Variants in MAGI1 observed in about 807,000 individuals in gnomAD.
The protein encoded by MAGI1 is membrane-associated guanylate kinase, WW and PDZ domain-containing protein 1.
Under a neutral mutation model 139.9 loss-of-function variants are expected in MAGI1, and 58 were observed. That is an observed-to-expected ratio of 0.41 (90% CI 0.34 to 0.52). The LOEUF is 0.52. Among genes scored for constraint, MAGI1 ranks in the 20% least tolerant of loss-of-function variants. The pLI, the probability that MAGI1 is intolerant of heterozygous loss-of-function variation, is 0.12. For synonymous variants in MAGI1, 812 were observed against 737.9 expected (o/e 1.10, Z -1.63); for missense variants, 1,874 against 1,901.6 (o/e 0.99, Z 0.27).
intron 1 of MAGI1, among the ~76,000 whole-genome samples, chr3:65,992,618 G>A (rs2107370162): frequency 6.6e-6 from 1 of 152,246 alleles, no homozygotes; most frequent in East Asian, 1.9e-4. Context: ...TAATACATCT[G>A]GGAGGGCAAC....
At chr3:65,698,229 T>C (rs2089351699) in intron 1 of MAGI1, among the ~76,000 whole-genome samples, 4 of 128,826 alleles carry the variant, frequency 3.1e-5, no homozygotes, top group Admixed American at 7.3e-5. Context: ...TAAAAGAGGA[T>C]ACAAACAAAT....
intron 3 of MAGI1, among the ~76,000 whole-genome samples, chr3:65,484,337 T>C (rs956087796): frequency 5.3e-5 from 8 of 152,142 alleles, no homozygotes; most frequent in South Asian, 4.1e-4. Flanking sequence ...TACTTGTCTG[T>C]CTTCTTCCTA....
At chr3:65,608,625 A>G (rs2106908868) in intron 2 of MAGI1, among the ~76,000 whole-genome samples, 1 of 152,258 alleles carries the variant, frequency 6.6e-6, no homozygotes, top group South Asian at 2.1e-4. Context: ...AATTTAAAAG[A>G]CTCATAATAC....
chr3:65,831,960 G>C (rs922869146), intron 1 of MAGI1, among the ~76,000 whole-genome samples: 1 of 152,126 alleles, frequency 6.6e-6, no homozygotes, highest in Non-Finnish European at 1.5e-5. Flanking sequence ...AATAATTGTG[G>C]GGGCCTTGCC....
intron 2 of MAGI1, among the ~76,000 whole-genome samples, chr3:65,534,612 C>T (rs2078869507): frequency 6.6e-6 from 1 of 152,146 alleles, no homozygotes; most frequent in African/African-American, 2.4e-5. Context: ...TCGCTGAGAG[C>T]TAACATGACA....
intron 1 of MAGI1, among the ~76,000 whole-genome samples, chr3:65,646,462 A>G (rs529115458): frequency 1.3e-5 from 2 of 152,250 alleles, no homozygotes; most frequent in East Asian, 3.9e-4. Flanking sequence ...AGAGACTTTA[A>G]CATCTCTCTC....
At chr3:65,793,383 G>A (rs999745576) in intron 1 of MAGI1, among the ~76,000 whole-genome samples, 1 of 152,138 alleles carries the variant, frequency 6.6e-6, no homozygotes, top group Admixed American at 6.5e-5. Context: ...ACAGAGTCTG[G>A]GGCAATTAAA....
intron 2 of MAGI1, among the ~76,000 whole-genome samples, chr3:65,599,819 A>G (rs930679735): frequency 6.6e-6 from 1 of 152,200 alleles, no homozygotes; most frequent in Non-Finnish European, 1.5e-5. Context: ...AACCCTAGAC[A>G]TCCTGGACCT....
chr3:65,682,923 G>C (rs192269294), intron 1 of MAGI1, among the ~76,000 whole-genome samples: 1 of 152,056 alleles, frequency 6.6e-6, no homozygotes, highest in Non-Finnish European at 1.5e-5. Context: ...GGATGGGGAC[G>C]GGGAAGGGGA....
chr3:65,851,737 A>T (rs1425784097), intron 1 of MAGI1, among the ~76,000 whole-genome samples: 1 of 152,186 alleles, frequency 6.6e-6, no homozygotes, highest in African/African-American at 2.4e-5. Flanking sequence ...CAACAGAGCA[A>T]GTCTCTGTCT....
chr3:65,516,238 G>A (rs376746771), intron 2 of MAGI1, among the ~76,000 whole-genome samples: 11 of 152,018 alleles, frequency 7.2e-5, no homozygotes, highest in African/African-American at 2.7e-4. Context: ...GGAGTGCAGT[G>A]GTCCAATCTT....
In MAGI1 at chr3:65,356,374, C is replaced by A. The variant is rs745857251; in HGVS notation, c.*4G>T. On this transcript the variant is annotated 3_prime_UTR_variant, in exon 23 of 23. Transcript: ENST00000402939. Reference sequence around the variant, plus strand: ...CGGTAAAGGTTGGAATGTGACTCAGCGTCTCAGATACTGAGGTCGGTGCTA... The same window carrying A: ...CGGTAAAGGTTGGAATGTGACTCAGAGTCTCAGATACTGAGGTCGGTGCTA... 5.1e-5 allele frequency: 80 copies of A among 1,567,836 alleles called. No individual in the cohort carries two copies. In the Middle Eastern group the frequency reaches 5.2e-4, roughly 10 times the overall value.
intron 21 of MAGI1, among the ~76,000 whole-genome samples, chr3:65,362,762 T>C (rs964252046): frequency 6.6e-6 from 1 of 152,230 alleles, no homozygotes; most frequent in Non-Finnish European, 1.5e-5. Flanking sequence ...TTGTTGTAAA[T>C]GGCTCTCCAT....
intron 1 of MAGI1, among the ~76,000 whole-genome samples, chr3:65,703,286 C>T (rs2089742523): frequency 6.6e-6 from 1 of 152,150 alleles, no homozygotes; most frequent in South Asian, 2.1e-4. Context: ...CTGCTGGACG[C>T]AGGAGTAGGG....
At chr3:65,903,826 G>A (rs528609129) in intron 1 of MAGI1, among the ~76,000 whole-genome samples, 5 of 151,990 alleles carry the variant, frequency 3.3e-5, no homozygotes, top group Non-Finnish European at 7.4e-5. Context: ...TGGCCAATGT[G>A]GTGAAACCCT....
Position 65,516,849 on chromosome 3 carries a change from T to A in MAGI1, c.431-23218A>T, listed in dbSNP as rs371120599. Among the ~76,000 whole-genome samples, 1,111 of 144,734 alleles carry A rather than the reference T, an allele frequency of 7.7e-3. 14 individuals are homozygous for A. The highest frequency in any genetic ancestry group is 0.027 in the African/African-American group (1,062 of 39,640). 95.0% of individuals were successfully genotyped at this position (144,734 alleles called of 152,430 possible). A position where few individuals can be genotyped will look rare whatever the true frequency, so the allele number is the denominator to read the frequency against. On this transcript the variant is annotated intron_variant, in intron 2 of 22. Coordinates refer to ENST00000402939, the MANE Select transcript of MAGI1 (RefSeq NM_001033057.2). ...TTCACGCCATTCTCCTGCCTCAGCC[T>A]CCCGAGTAGCTGGGACTACAGGCGC...
chr3:65,754,192 C>A (rs2036382580), intron 1 of MAGI1, among the ~76,000 whole-genome samples: 1 of 152,026 alleles, frequency 6.6e-6, no homozygotes, highest in African/African-American at 2.4e-5. Flanking sequence ...TCCACAATTC[C>A]TTCTTATCAC....
chr3:66,034,857 A>C (rs2068830171), intron 1 of MAGI1, among the ~76,000 whole-genome samples: 1 of 152,138 alleles, frequency 6.6e-6, no homozygotes, highest in Admixed American at 6.5e-5. Context: ...ATTTTTATGA[A>C]GTTGAAGACA....
chr3:65,700,066 T>G (rs1322978851), intron 1 of MAGI1, among the ~76,000 whole-genome samples: 1 of 152,118 alleles, frequency 6.6e-6, no homozygotes, highest in African/African-American at 2.4e-5. Context: ...GAAACTGATT[T>G]TTAACTACAT....
Sources: gnomAD v4.1 joint callset for allele counts (sites outside exome capture counted in the v4.1 genomes callset) on GRCh38, gnomAD v4.1.1 for gene constraint, MANE v1.5 for transcripts, NCBI Gene and HGNC (gene_info 2026-07-23, HGNC 2026-07-21) for gene names.